DSCAM: variants seen among roughly 807,000 people sequenced by gnomAD.
The protein encoded by DSCAM is DS cell adhesion molecule, also known as cell adhesion molecule DSCAM.
DSCAM carries 47 observed loss-of-function variants against 217.7 expected under a neutral mutation model. The ratio of observed to expected loss-of-function variants is 0.22; its 90% CI spans 0.17 to 0.28. The LOEUF is 0.28. Ranked by LOEUF, DSCAM falls within the 10% of genes least tolerant of loss-of-function variation. The pLI is 1.00. For synonymous variants in DSCAM, 1,056 were observed against 1,015.3 expected (o/e 1.04, Z -0.76); for missense variants, 2,080 against 2,618.3 (o/e 0.79, Z 4.49).
intron 16 of DSCAM, among the ~76,000 whole-genome samples, chr21:40,145,974 A>G (rs138528036): frequency 1.8e-5 from 1 of 56,166 alleles, no homozygotes; most frequent in Non-Finnish European, 3.7e-5. Context: ...ACACACATAC[A>G]TGTGTATGTA....
chr21:40,238,148 T>C (rs2073103316), intron 11 of DSCAM, among the ~76,000 whole-genome samples: 1 of 152,124 alleles, frequency 6.6e-6, no homozygotes, highest in Non-Finnish European at 1.5e-5. Context: ...TTTTAAACCA[T>C]AATACTCCAA....
At chr21:40,797,379 C>A (rs1290787202) in intron 1 of DSCAM, among the ~76,000 whole-genome samples, 2 of 152,078 alleles carry the variant, frequency 1.3e-5, no homozygotes, top group African/African-American at 4.8e-5. Context: ...TAGCAGTGAA[C>A]CAGAACATCC....
chr21:40,106,505 C>T (rs1225391941), intron 20 of DSCAM, among the ~76,000 whole-genome samples: 2 of 152,026 alleles, frequency 1.3e-5, no homozygotes, highest in African/African-American at 2.4e-5. Flanking sequence ...AGGAAGGAGT[C>T]CCCCCTCCTA....
intron 20 of DSCAM, among the ~76,000 whole-genome samples, chr21:40,096,423 A>C (rs908163409): frequency 1.3e-5 from 2 of 152,212 alleles, no homozygotes; most frequent in African/African-American, 4.8e-5. Flanking sequence ...TTGGCAAAAT[A>C]AACTGCCTAA....
chr21:40,169,825 C>G (rs564890382), intron 15 of DSCAM, among the ~76,000 whole-genome samples: 1 of 152,056 alleles, frequency 6.6e-6, no homozygotes, highest in Non-Finnish European at 1.5e-5. Flanking sequence ...CTGATGCTGT[C>G]CCTGACATCT....
At position 40,116,170 on chromosome 21, in the gene DSCAM, G is replaced by A. The variant is rs531051247; in HGVS notation, c.3696+8025C>T. Among the ~76,000 whole-genome samples, 4 of 152,302 alleles carry A rather than the reference G, an allele frequency of 2.6e-5. No homozygotes were observed. The South Asian group carries it at 8.3e-4, about 32-fold the overall frequency. On this transcript the variant is annotated intron_variant, in intron 20 of 32. Coordinates refer to ENST00000400454, the MANE Select transcript of DSCAM (RefSeq NM_001389.5). ...AACAACACACACCTTTCAGAGGGTG[G>A]AGGGTGAGAGGAGGGGGAGGATCAG...
At chr21:40,626,186 G>A (rs576491449) in intron 3 of DSCAM, among the ~76,000 whole-genome samples, 35 of 152,060 alleles carry the variant, frequency 2.3e-4, no homozygotes, top group African/African-American at 7.2e-4. Context: ...GGAGTGTTGC[G>A]CAACCCAGGA....
chr21:40,276,104 C>A lies in DSCAM; in HGVS notation c.2349G>T (p.Thr783=). 1 of 1,576,230 alleles carries A rather than the reference C, an allele frequency of 6.3e-7. No individual in the cohort carries two copies. The highest frequency in any genetic ancestry group is 8.6e-7 in the Non-Finnish European group (1 of 1,163,294). Residue 783 remains threonine, a synonymous_variant, in exon 11 of 33, where the codon ACG becomes ACT. Transcript: ENST00000400454. ...GCATTTCTTCTCTCTTACTTTTAAC[C>A]GTGAGGTACATGGACTTGCTGACGT... is the stretch of plus-strand genomic sequence containing the variant. ...GADVSKSMYL[T]VKIPAMITSY...
Position 40,044,265 on chromosome 21 carries a change from G to A in DSCAM, c.5196C>T (p.Thr1732=). ...TGGGCCCAGCCTTGGCATTCCTCCTGGTGGTGGGATCTGTGAAGAGCCAAG... is the reference window on the plus strand; with the variant it reads ...TGGGCCCAGCCTTGGCATTCCTCCTAGTGGTGGGATCTGTGAAGAGCCAAG... ...SDARPGTNPT[T]RRNAKAGPTA... Residue 1732 remains threonine, a synonymous_variant, in exon 31 of 33, where the codon ACC becomes ACT. Coordinates refer to ENST00000400454, the MANE Select transcript of DSCAM (RefSeq NM_001389.5). The A allele has an allele frequency of 6.2e-7, 1 of 1,613,902 alleles. No individual in the cohort carries two copies. Among genetic ancestry groups the A allele is most frequent in the Non-Finnish European group, 8.5e-7 (1 of 1,179,924 alleles).
intron 3 of DSCAM, among the ~76,000 whole-genome samples, chr21:40,480,691 G>A (rs970860145): frequency 1.3e-5 from 2 of 152,308 alleles, no homozygotes; most frequent in South Asian, 2.1e-4. Flanking sequence ...GTGCTGGACT[G>A]TCATATTAAA....
intron 3 of DSCAM, among the ~76,000 whole-genome samples, chr21:40,434,744 C>T (rs1328762420): frequency 1.3e-5 from 2 of 152,090 alleles, no homozygotes; most frequent in African/African-American, 4.8e-5. Context: ...TTGTTATTCT[C>T]AATAAACCTA....
chr21:40,783,737 C>T (rs1657905596), intron 1 of DSCAM, among the ~76,000 whole-genome samples: 1 of 152,186 alleles, frequency 6.6e-6, no homozygotes. Flanking sequence ...ACATGTAAAA[C>T]TGCATTAAAA....
chr21:40,347,460 A>G (rs923054961), intron 6 of DSCAM, among the ~76,000 whole-genome samples: 13 of 152,178 alleles, frequency 8.5e-5, no homozygotes, highest in African/African-American at 3.1e-4. Context: ...GTTACTTTAC[A>G]TTACTTCTAA....
intron 3 of DSCAM, among the ~76,000 whole-genome samples, chr21:40,633,795 G>A (rs2089722316): frequency 6.6e-6 from 1 of 152,128 alleles, no homozygotes; most frequent in South Asian, 2.1e-4. Context: ...CGTGTTCAAT[G>A]GTGTAAGATG....
chr21:40,331,013 A>C (rs2074372538), intron 8 of DSCAM, among the ~76,000 whole-genome samples: 1 of 152,232 alleles, frequency 6.6e-6, no homozygotes, highest in South Asian at 2.1e-4. Context: ...GGCCACACAC[A>C]AAAGACCCCA....
At chr21:40,074,347 C>T (rs984956541) in intron 27 of DSCAM, among the ~76,000 whole-genome samples, 4 of 152,202 alleles carry the variant, frequency 2.6e-5, no homozygotes, top group African/African-American at 7.2e-5. Context: ...CCTGGGAACA[C>T]GTCTGCACAG....
In DSCAM at chr21:40,417,561, T is replaced by G. The variant is rs77754059; in HGVS notation, c.509-48316A>C. Among the ~76,000 whole-genome samples, 62 of 151,480 alleles carry G rather than the reference T, an allele frequency of 4.1e-4. No individual in the cohort carries two copies. The East Asian group carries it at 0.011, about 28-fold the overall frequency. On this transcript the variant is annotated intron_variant, in intron 3 of 32. Coordinates refer to ENST00000400454, the MANE Select transcript of DSCAM (RefSeq NM_001389.5). ...GCATTTGATATTTGATGAAGAAAAATAGATATACAGAGCCATGTATATGTC... is the reference window on the plus strand; with the variant it reads ...GCATTTGATATTTGATGAAGAAAAAGAGATATACAGAGCCATGTATATGTC...
intron 20 of DSCAM, among the ~76,000 whole-genome samples, chr21:40,108,994 T>C (rs2089859329): frequency 6.6e-6 from 1 of 152,040 alleles, no homozygotes; most frequent in East Asian, 1.9e-4. Context: ...TATACAAAAA[T>C]CAACTCAAGA....
intron 1 of DSCAM, among the ~76,000 whole-genome samples, chr21:40,809,766 AG>A (rs2091821516): frequency 6.6e-6 from 1 of 152,208 alleles, no homozygotes; most frequent in African/African-American, 2.4e-5. Flanking sequence ...TCTAGTGGGC[AG>A]GTGCATTTCC....
Sources: gnomAD v4.1 joint callset for allele counts (sites outside exome capture counted in the v4.1 genomes callset) on GRCh38, gnomAD v4.1.1 for gene constraint, MANE v1.5 for transcripts, NCBI Gene and HGNC (gene_info 2026-07-23, HGNC 2026-07-21) for gene names.